Variants in HM13 observed in about 807,000 individuals in gnomAD.
The protein encoded by HM13 is histocompatibility minor 13, also known as signal peptide peptidase.
HM13 carries 18 observed loss-of-function variants against 50.0 expected under a neutral mutation model. That is an observed-to-expected ratio of 0.36 (90% CI 0.25 to 0.53). The LOEUF (loss-of-function observed/expected upper bound fraction) is 0.53, where lower values mean the gene tolerates loss of function less well. HM13 is among the 20% of genes least tolerant of loss of function. HM13 has a pLI of 0.90. For missense variants in HM13, 393 were observed against 552.4 expected (o/e 0.71, Z 2.89); for synonymous variants, 197 against 232.6 (o/e 0.85, Z 1.39).
chr20:31,536,457 CCT>C (rs1983112767), intron 2 of HM13, among the ~76,000 whole-genome samples: 1 of 152,114 alleles, frequency 6.6e-6, no homozygotes, highest in Admixed American at 6.5e-5. Flanking sequence ...GCACCGTCCC[CCT>C]CTCCTGCTCC....
chr20:31,561,529 C>A, intron 9 of HM13, 105 bp from the exon 10 acceptor site: 2 of 753,750 alleles, frequency 2.7e-6, no homozygotes, highest in South Asian at 1.5e-5. Flanking sequence ...AGCTCAGTCA[C>A]CCCCCCACAA....
chr20:31,564,281 C>G (rs936071919), intron 10 of HM13, among the ~76,000 whole-genome samples: 2 of 151,492 alleles, frequency 1.3e-5, no homozygotes, highest in Non-Finnish European at 2.9e-5. Flanking sequence ...TGTTCCATTA[C>G]AAATTGCTGG....
At chr20:31,555,796 T>C (rs1318399911) in intron 8 of HM13, among the ~76,000 whole-genome samples, 1 of 148,594 alleles carries the variant, frequency 6.7e-6, no homozygotes, top group East Asian at 2.0e-4. Context: ...TAGCAAGACC[T>C]CATCTCTACA....
At chr20:31,559,679 CTTCTCCAGGGA>C (rs1169813711) in intron 9 of HM13, 32 bp downstream of exon 9, 1 of 1,611,384 alleles carries the variant, frequency 6.2e-7, no homozygotes. Flanking sequence ...CCAGCATGGG[CTTCTCCAGGGA>C]TTCTCCAGTG....
At chr20:31,548,196 G>A (rs1983830259) in intron 4 of HM13, 2 of 672,966 alleles carry the variant, frequency 3.0e-6, no homozygotes, top group East Asian at 2.5e-5. Context: ...AACAAATCAG[G>A]GTGCTCTTAC....
chr20:31,523,808 A>C (rs1237851156), intron 1 of HM13, among the ~76,000 whole-genome samples: 1 of 152,166 alleles, frequency 6.6e-6, no homozygotes, highest in Non-Finnish European at 1.5e-5. Flanking sequence ...TAGGGAAGGA[A>C]GGAAACTGGG....
At chr20:31,563,122 T>G (rs1376575552) in intron 10 of HM13, 1 of 152,386 alleles carries the variant, frequency 6.6e-6, no homozygotes, top group Non-Finnish European at 1.5e-5. Context: ...ACGCGAACAC[T>G]ACATCAGGCT....
intron 3 of HM13, chr20:31,541,805 C>T (rs1171395762): frequency 6.6e-6 from 1 of 152,178 alleles, no homozygotes; most frequent in East Asian, 1.9e-4. Flanking sequence ...TGCCTGTATC[C>T]ACAAACTTAG....
Position 31,561,713 on chromosome 20 carries a change from A to G in HM13, c.925A>G (p.Met309Val). 6.2e-7 allele frequency: 1 copy of G among 1,612,374 alleles called. No homozygotes were observed. The highest frequency in any genetic ancestry group is 8.5e-7 in the Non-Finnish European group (1 of 1,178,388). ...CGGCCTGGGCCTTACCATCTTCATC[A>G]TGCACATCTTCAAGCATGCTCAGGT... ...IFGLGLTIFI[M>V]HIFKHAQPAL... The change falls in exon 10 of 13, where the codon ATG becomes GTG. Residue 309 changes from methionine (M) to valine (V), a missense_variant. Met to Val is a conservative substitution (Grantham distance 21). Transcript: ENST00000398174.
chr20:31,550,261 T>C (rs1983971318), intron 7 of HM13, 140 bp downstream of exon 7: 1 of 684,234 alleles, frequency 1.5e-6, no homozygotes, highest in Admixed American at 2.1e-5. Flanking sequence ...CTGGTTTCCT[T>C]ATCCTCAATT....
At chr20:31,528,540 G>A (rs1486938103) in intron 2 of HM13, among the ~76,000 whole-genome samples, 11 of 152,142 alleles carry the variant, frequency 7.2e-5, no homozygotes, top group East Asian at 3.9e-4. Flanking sequence ...GTGCAGTGGC[G>A]CAATTTCGGC....
Position 31,569,100 on chromosome 20 carries a change from G to GTTTTT in HM13, c.1182-11_1182-7dup. 3.4e-6 allele frequency: 4 copies of GTTTTT among 1,190,460 alleles called. No homozygotes were observed. Among genetic ancestry groups the GTTTTT allele is most frequent in the African/African-American group, 3.2e-5 (2 of 62,308 alleles). The allele number at this position is 1,190,460 out of a possible 1,614,324, so 73.7% of individuals were successfully genotyped here. A position where few individuals can be genotyped will look rare whatever the true frequency, so the allele number is the denominator to read the frequency against. ...CTCCTCTAAATGAATTTTTATTGTT[G>GTTTTT]TTTTTTTTTTTTTGGTCAGTTATGA... On this transcript the variant is annotated intron_variant, in intron 12 of 12. Transcript: ENST00000398174.
chr20:31,539,326 G>A, intron 3 of HM13: 1 of 985,490 alleles, frequency 1.0e-6, no homozygotes, highest in Non-Finnish European at 1.2e-6. Context: ...GCCTCAGGCT[G>A]AGAAACACTG....
chr20:31,562,622 C>T (rs1418746173), intron 10 of HM13: 1 of 152,258 alleles, frequency 6.6e-6, no homozygotes, highest in Non-Finnish European at 1.5e-5. Context: ...CCCCTTTCCC[C>T]TTCCCCAGGG....
intron 4 of HM13, chr20:31,547,747 C>CT (rs1844627117): frequency 2.0e-6 from 2 of 1,018,550 alleles, no homozygotes; most frequent in African/African-American, 1.6e-5. Flanking sequence ...TTGTCCAACT[C>CT]TAAGGTTGCT....
intron 11 of HM13, 141 bp downstream of exon 11, chr20:31,566,436 A>G: frequency 1.4e-6 from 1 of 695,214 alleles, no homozygotes; most frequent in Non-Finnish European, 2.5e-6. Flanking sequence ...CTTTTTCAGC[A>G]GTACATGGGT....
chr20:31,544,487 A>G (rs1363416647), intron 3 of HM13, among the ~76,000 whole-genome samples: 1 of 152,218 alleles, frequency 6.6e-6, no homozygotes, highest in East Asian at 1.9e-4. Context: ...GTTGGAAAGC[A>G]GAATGTCAAG....
chr20:31,550,023 C>T (rs1440126039), intron 6 of HM13, 41 bp from the exon 7 acceptor site: 1 of 1,463,034 alleles, frequency 6.8e-7, no homozygotes, highest in South Asian at 1.1e-5. Flanking sequence ...CCCCCACAGC[C>T]CCTCACTTCC....
intron 7 of HM13, among the ~76,000 whole-genome samples, chr20:31,551,449 T>G (rs528085323): frequency 8.2e-4 from 125 of 152,302 alleles, no homozygotes; most frequent in African/African-American, 2.8e-3. Flanking sequence ...GGAGGGATGG[T>G]TTTTCCCAAG....
Sources: gnomAD v4.1 joint callset for allele counts (sites outside exome capture counted in the v4.1 genomes callset) on GRCh38, gnomAD v4.1.1 for gene constraint, MANE v1.5 for transcripts, NCBI Gene and HGNC (gene_info 2026-07-23, HGNC 2026-07-21) for gene names.